The following FAM110B variants were observed in gnomAD, a reference collection of about 807,000 sequenced individuals.
FAM110B encodes family with sequence similarity 110 member B.
Under a neutral mutation model 20.4 loss-of-function variants are expected in FAM110B, and 6 were observed. The ratio of observed to expected loss-of-function variants is 0.29; its 90% confidence interval spans 0.16 to 0.58. The LOEUF is 0.58. Among genes scored for constraint, FAM110B ranks in the 20% least tolerant of loss-of-function variants. FAM110B has a pLI of 0.90. For missense variants in FAM110B, 434 were observed against 498.2 expected (o/e 0.87, Z 1.23); for synonymous variants, 226 against 214.1 (o/e 1.06, Z -0.49).
chr8:58,009,345 G>A (rs961587358), intron 1 of FAM110B, among the ~76,000 whole-genome samples: 17 of 152,176 alleles, frequency 1.1e-4, no homozygotes, highest in African/African-American at 3.9e-4. Flanking sequence ...TAAATGCCTG[G>A]ATTTTGCAGA....
At chr8:58,012,812 G>A (rs930721416) in intron 1 of FAM110B, among the ~76,000 whole-genome samples, 1 of 152,216 alleles carries the variant, frequency 6.6e-6, no homozygotes, top group Non-Finnish European at 1.5e-5. Context: ...AGGTTGTTTG[G>A]GGAGTGGAGG....
chr8:58,019,436 T>G (rs1804704908), intron 1 of FAM110B, among the ~76,000 whole-genome samples: 1 of 151,736 alleles, frequency 6.6e-6, no homozygotes, highest in African/African-American at 2.4e-5. Context: ...CATTTGCCAT[T>G]TCTTGTGTGC....
chr8:58,031,401 T>G (rs1804959630), intron 1 of FAM110B: 1 of 152,224 alleles, frequency 6.6e-6, no homozygotes, highest in Non-Finnish European at 1.5e-5. Context: ...TACATGAAGT[T>G]GGCCTCATAC....
At chr8:58,040,935 C>CTTTTTTTTT (rs60228265) in intron 2 of FAM110B, among the ~76,000 whole-genome samples, 1 of 97,348 alleles carries the variant, frequency 1.0e-5, no homozygotes, top group Non-Finnish European at 2.0e-5. Flanking sequence ...ATGGGAAAAT[C>CTTTTTTTTT]TTTTTTTTTT....
chr8:58,019,180 A>T (rs1804694227), intron 1 of FAM110B, among the ~76,000 whole-genome samples: 1 of 149,918 alleles, frequency 6.7e-6, no homozygotes, highest in African/African-American at 2.5e-5. Context: ...ACTAAAAAAA[A>T]TATAAACATT....
At chr8:58,101,849 C>T (rs561949458) in intron 3 of FAM110B, among the ~76,000 whole-genome samples, 2 of 152,226 alleles carry the variant, frequency 1.3e-5, no homozygotes, top group South Asian at 4.1e-4. Context: ...GCTACAAGTA[C>T]AGCCATGAGG....
At chr8:58,132,919 A>T (rs1803511457) in intron 3 of FAM110B, among the ~76,000 whole-genome samples, 2 of 152,134 alleles carry the variant, frequency 1.3e-5, no homozygotes, top group African/African-American at 4.8e-5. Flanking sequence ...TCCCTTTTTC[A>T]CTTTGGGGAG....
chr8:58,052,023 T>A (rs1805453121), intron 2 of FAM110B, among the ~76,000 whole-genome samples: 1 of 152,246 alleles, frequency 6.6e-6, no homozygotes, highest in South Asian at 2.1e-4. Context: ...CTAATTTTCT[T>A]AAAGTCAGTA....
chr8:58,049,161 G>T (rs1331796933), intron 2 of FAM110B, among the ~76,000 whole-genome samples: 1 of 152,090 alleles, frequency 6.6e-6, no homozygotes, highest in Non-Finnish European at 1.5e-5. Context: ...TTTCAGTCCT[G>T]AACTCTCATA....
chr8:58,095,799 AT>A (rs1806609241), intron 3 of FAM110B, among the ~76,000 whole-genome samples: 2 of 151,612 alleles, frequency 1.3e-5, no homozygotes, highest in African/African-American at 4.8e-5. Context: ...ATCCTTGTTG[AT>A]TTTCTGTCTC....
chr8:58,111,905 C>G (rs1287704259), intron 3 of FAM110B, among the ~76,000 whole-genome samples: 2 of 152,160 alleles, frequency 1.3e-5, no homozygotes, highest in African/African-American at 2.4e-5. Flanking sequence ...AGTAAATTCA[C>G]CCAATGTATA....
intron 3 of FAM110B, among the ~76,000 whole-genome samples, chr8:58,086,010 G>A (rs992542137): frequency 5.3e-5 from 8 of 152,136 alleles, no homozygotes; most frequent in African/African-American, 1.4e-4. Context: ...AACTCCTTAC[G>A]ACCTCAACTC....
chr8:58,123,530 A>G (rs980217260), intron 3 of FAM110B, among the ~76,000 whole-genome samples: 1 of 152,222 alleles, frequency 6.6e-6, no homozygotes, highest in African/African-American at 2.4e-5. Flanking sequence ...AACCAAAAGT[A>G]ACCTTAAGGT....
intron 2 of FAM110B, among the ~76,000 whole-genome samples, chr8:58,032,944 C>T (rs761839393): frequency 1.4e-4 from 21 of 152,086 alleles, no homozygotes; most frequent in Non-Finnish European, 2.6e-4. Context: ...AGGAGGTGCA[C>T]GTACAGGTTT....
chr8:58,038,385 A>G (rs1805130959), intron 2 of FAM110B, among the ~76,000 whole-genome samples: 1 of 152,238 alleles, frequency 6.6e-6, no homozygotes, highest in Non-Finnish European at 1.5e-5. Flanking sequence ...TTCAGAGGAG[A>G]AAACGGAGAT....
rs565444733 is a variant in FAM110B, at chr8:58,063,302, A to G, written c.-413-12233A>G. The stretch of plus-strand genomic sequence containing the variant: ...TTATATTCAGTGTTAGTAATGACAT[A>G]GTAGAAAAATTAAACAATTCAGACA... On this transcript the variant is annotated intron_variant, in intron 2 of 3. Transcript: ENST00000519262. Among the ~76,000 whole-genome samples, 9 of 152,336 alleles carry G rather than the reference A, an allele frequency of 5.9e-5. No homozygotes were observed. In the South Asian group the frequency reaches 1.9e-3, roughly 32 times the overall value.
intron 3 of FAM110B, among the ~76,000 whole-genome samples, chr8:58,124,719 T>G (rs1391048254): frequency 6.6e-6 from 1 of 152,122 alleles, no homozygotes; most frequent in African/African-American, 2.4e-5. Context: ...GCGTATGTTG[T>G]TTTCAAAACT....
chr8:58,126,409 G>A (rs1173396880), intron 3 of FAM110B, among the ~76,000 whole-genome samples: 2 of 152,168 alleles, frequency 1.3e-5, no homozygotes, highest in African/African-American at 4.8e-5. Flanking sequence ...TGGAATAAAT[G>A]CCCAGGAGTG....
chr8:58,010,510 T>C (rs1386752352), intron 1 of FAM110B, among the ~76,000 whole-genome samples: 1 of 152,230 alleles, frequency 6.6e-6, no homozygotes, highest in Non-Finnish European at 1.5e-5. Flanking sequence ...TTGAGTGATC[T>C]GGGGCTCATT....
Sources: gnomAD v4.1 joint callset for allele counts (sites outside exome capture counted in the v4.1 genomes callset) on GRCh38, gnomAD v4.1.1 for gene constraint, MANE v1.5 for transcripts, NCBI Gene and HGNC (gene_info 2026-07-23, HGNC 2026-07-21) for gene names.